Variants in HOMER2 observed in about 807,000 individuals in gnomAD.
HOMER2 encodes homer scaffold protein 2, also known as homer protein homolog 2.
Under a neutral mutation model 47.0 loss-of-function variants are expected in HOMER2, and 27 were observed. The ratio of observed to expected loss-of-function variants is 0.57; its 90% CI spans 0.42 to 0.79. The LOEUF (loss-of-function observed/expected upper bound fraction) is 0.79. Among genes scored for constraint, HOMER2 ranks in the 30% least tolerant of loss-of-function variants. The pLI is 0.00. For missense variants in HOMER2, 443 were observed against 435.0 expected (o/e 1.02, Z -0.16); for synonymous variants, 161 against 163.8 (o/e 0.98, Z 0.13).
intron 1 of HOMER2, among the ~76,000 whole-genome samples, chr15:82,967,332 A>AT: frequency 6.6e-6 from 1 of 152,188 alleles, no homozygotes; most frequent in South Asian, 2.1e-4. Context: ...TTCTTTGCTT[A>AT]TATTAAGGAA....
intron 3 of HOMER2, among the ~76,000 whole-genome samples, chr15:82,873,002 G>A (rs2052227734): frequency 2.0e-5 from 3 of 152,218 alleles, no homozygotes; most frequent in South Asian, 2.1e-4. Context: ...GTGGCAGGAG[G>A]GGCTGTTCTA....
chr15:82,950,593 C>T (rs1458476854), intron 1 of HOMER2, among the ~76,000 whole-genome samples: 2 of 152,142 alleles, frequency 1.3e-5, no homozygotes, highest in African/African-American at 4.8e-5. Context: ...TCTCAATTTA[C>T]GACCATGGCT....
At chr15:82,841,344 C>T (rs1387576092) in exon 2 of HOMER2, 3 of 151,956 alleles carry the variant, frequency 2.0e-5, no homozygotes, top group African/African-American at 7.2e-5. Flanking sequence ...TAGAGAAAAG[C>T]CAGTTGATCA....
chr15:82,954,512 AT>A (rs569644178), upstream of HOMER2, among the ~76,000 whole-genome samples: 61 of 147,340 alleles, frequency 4.1e-4, no homozygotes, highest in African/African-American at 1.5e-3. Context: ...CCATGTTTCG[AT>A]CTCCTGACCT....
At chr15:82,918,203 G>A (rs1260758661) in intron 1 of HOMER2, among the ~76,000 whole-genome samples, 2 of 152,108 alleles carry the variant, frequency 1.3e-5, no homozygotes, top group Non-Finnish European at 2.9e-5. Flanking sequence ...GAGATATATA[G>A]ACGCCATCCC....
intron 2 of HOMER2, among the ~76,000 whole-genome samples, chr15:82,880,547 C>T (rs1275705427): frequency 1.3e-5 from 2 of 152,210 alleles, no homozygotes; most frequent in East Asian, 1.9e-4. Flanking sequence ...CCTATTAATA[C>T]AAATGGTTAA....
intron 1 of HOMER2, among the ~76,000 whole-genome samples, chr15:82,924,233 G>C (rs1297850992): frequency 1.3e-5 from 2 of 152,170 alleles, no homozygotes; most frequent in African/African-American, 4.8e-5. Flanking sequence ...AGATCAATCA[G>C]ATGTGGGGCT....
At chr15:82,979,596 A>G (rs1432489324) in intron 1 of HOMER2, among the ~76,000 whole-genome samples, 2 of 152,130 alleles carry the variant, frequency 1.3e-5, no homozygotes, top group African/African-American at 4.8e-5. Flanking sequence ...TGTAACTAAG[A>G]GGGTGACATG....
chr15:82,983,666 G>GC (rs1173494008), intron 1 of HOMER2, among the ~76,000 whole-genome samples: 2 of 151,750 alleles, frequency 1.3e-5, no homozygotes, highest in Admixed American at 6.6e-5. Context: ...TCGGCTCACT[G>GC]CAACCTCTGC....
chr15:82,876,363 C>T (rs2052350625), intron 2 of HOMER2, among the ~76,000 whole-genome samples: 1 of 152,226 alleles, frequency 6.6e-6, no homozygotes, highest in African/African-American at 2.4e-5. Context: ...ATTTACTATA[C>T]ACCAGACATT....
downstream of HOMER2, among the ~76,000 whole-genome samples, chr15:82,957,840 C>A (rs1023790292): frequency 5.3e-5 from 8 of 152,036 alleles, no homozygotes; most frequent in South Asian, 2.1e-4. Flanking sequence ...ACCCATTTTT[C>A]TTTATTTATT....
chr15:82,837,039 G>A (rs571916018), exon 2 of HOMER2: 4 of 152,290 alleles, frequency 2.6e-5, no homozygotes, highest in African/African-American at 9.6e-5. Flanking sequence ...ACAGGGCTGT[G>A]TTCTCTTCTA....
chr15:82,902,417 C>T (rs1003008386), intron 1 of HOMER2, among the ~76,000 whole-genome samples: 1 of 152,086 alleles, frequency 6.6e-6, no homozygotes, highest in Non-Finnish European at 1.5e-5. Context: ...AGGCCGGTTT[C>T]AAACTCCTGA....
intron 2 of HOMER2, among the ~76,000 whole-genome samples, chr15:82,879,340 A>G (rs1443934231): frequency 6.6e-6 from 1 of 152,194 alleles, no homozygotes; most frequent in East Asian, 1.9e-4. Flanking sequence ...GACTAAAAAT[A>G]CAAAAATTAG....
At chr15:82,889,326 G>T (rs923130939) in intron 2 of HOMER2, among the ~76,000 whole-genome samples, 2 of 152,228 alleles carry the variant, frequency 1.3e-5, no homozygotes, top group Non-Finnish European at 2.9e-5. Context: ...TCTGCCTGAG[G>T]CTCCACGGCA....
rs539602256 is a variant in HOMER2 at position 82,932,867 on chromosome 15, G to A, written c.5+19664C>T. Among the ~76,000 whole-genome samples the A allele has an allele frequency of 1.6e-3, 240 of 152,222 alleles. 1 individual carries two copies. The highest frequency in any genetic ancestry group is 5.5e-3 in the African/African-American group (229 of 41,550). On this transcript the variant is annotated intron_variant, in intron 1 of 8. Coordinates refer to ENST00000450735, the MANE Select transcript of HOMER2 (RefSeq NM_004839.4). ...CCCTGTGCACACCCCAACTGTGAGA[G>A]GTGCTCTTAGGCTCCCTCAGATGCC...
chr15:82,854,339 G>A (rs950635166), intron 6 of HOMER2, among the ~76,000 whole-genome samples: 2 of 152,156 alleles, frequency 1.3e-5, no homozygotes, highest in African/African-American at 4.8e-5. Flanking sequence ...TGGGAGACAG[G>A]AGGCTGCAGT....
intron 1 of HOMER2, among the ~76,000 whole-genome samples, chr15:82,936,184 G>A (rs147304965): frequency 4.0e-4 from 61 of 152,124 alleles, no homozygotes; most frequent in African/African-American, 1.4e-3. Flanking sequence ...CACCTAGAAC[G>A]CTCTGCTCCC....
chr15:82,981,888 C>T (rs2151264649), intron 1 of HOMER2, among the ~76,000 whole-genome samples: 1 of 151,980 alleles, frequency 6.6e-6, no homozygotes, highest in South Asian at 2.1e-4. Context: ...CACAGAATTT[C>T]AGTGTGAGAA....
Sources: gnomAD v4.1 joint callset for allele counts (sites outside exome capture counted in the v4.1 genomes callset) on GRCh38, gnomAD v4.1.1 for gene constraint, MANE v1.5 for transcripts, NCBI Gene and HGNC (gene_info 2026-07-23, HGNC 2026-07-21) for gene names.